The following TPD52L1 variants were observed in gnomAD, a reference collection of about 807,000 sequenced individuals.
TPD52L1 encodes the protein tumor protein D53.
Under a neutral mutation model 28.7 loss-of-function variants are expected in TPD52L1, and 18 were observed. The ratio of observed to expected loss-of-function variants is 0.63; its 90% confidence interval spans 0.43 to 0.93. The LOEUF (loss-of-function observed/expected upper bound fraction) is 0.93. Ranked by LOEUF, TPD52L1 falls within the 40% of genes least tolerant of loss-of-function variation. TPD52L1 has a pLI of 0.00. For missense variants in TPD52L1, 203 were observed against 254.8 expected (o/e 0.80, Z 1.39); for synonymous variants, 75 against 88.8 (o/e 0.84, Z 0.88).
intron 3 of TPD52L1, among the ~76,000 whole-genome samples, chr6:125,236,458 T>G (rs373696030): frequency 6.6e-6 from 1 of 152,196 alleles, no homozygotes; most frequent in African/African-American, 2.4e-5. Context: ...ATTTAAATTA[T>G]GCATTAAATT....
chr6:125,163,351 A>G (rs994001941), intron 1 of TPD52L1, among the ~76,000 whole-genome samples: 3 of 152,138 alleles, frequency 2.0e-5, no homozygotes, highest in Non-Finnish European at 4.4e-5. Context: ...GGAGGCCAAG[A>G]CGGGAGGATC....
At chr6:125,160,850 CTTTTTTTTT>C (rs57061570) in intron 1 of TPD52L1, among the ~76,000 whole-genome samples, 2 of 129,480 alleles carry the variant, frequency 1.5e-5, no homozygotes, top group African/African-American at 5.9e-5. Flanking sequence ...ACAGAGATGA[CTTTTTTTTT>C]TTTTTTTTTT....
intron 1 of TPD52L1, among the ~76,000 whole-genome samples, chr6:125,157,622 CAT>C (rs1790222943): frequency 6.6e-6 from 1 of 152,170 alleles, no homozygotes; most frequent in Admixed American, 6.5e-5. Flanking sequence ...TTTCCCGAAA[CAT>C]ACAGTAGTCC....
At chr6:125,216,914 C>T (rs1012864290) in intron 1 of TPD52L1, among the ~76,000 whole-genome samples, 1 of 152,114 alleles carries the variant, frequency 6.6e-6, no homozygotes, top group Non-Finnish European at 1.5e-5. Context: ...GGGACAGCTT[C>T]AGAACTATAC....
At chr6:125,256,991 G>A in intron 5 of TPD52L1, 107 bp from the exon 6 acceptor site, 1 of 918,946 alleles carries the variant, frequency 1.1e-6, no homozygotes, top group East Asian at 2.6e-5. Flanking sequence ...CTGACAGGTA[G>A]CTCTGTGGCA....
chr6:125,182,502 A>C (rs148546713), intron 1 of TPD52L1, among the ~76,000 whole-genome samples: 5 of 152,124 alleles, frequency 3.3e-5, no homozygotes, highest in African/African-American at 1.2e-4. Context: ...TTTAAGGTAG[A>C]AAGGGAGGGA....
At chr6:125,252,068 C>A in intron 4 of TPD52L1, 1 of 1,535,770 alleles carries the variant, frequency 6.5e-7, no homozygotes, top group Non-Finnish European at 8.7e-7. Context: ...GTGGGGCTTT[C>A]CCCACTCCCT....
At chr6:125,154,306 A>T in intron 1 of TPD52L1, 1 of 1,139,456 alleles carries the variant, frequency 8.8e-7, no homozygotes, top group Non-Finnish European at 1.1e-6. Context: ...CCGGGTCCGG[A>T]AAGCGTGTTT....
chr6:125,218,440 C>T (rs534864678), intron 1 of TPD52L1, among the ~76,000 whole-genome samples: 3 of 152,252 alleles, frequency 2.0e-5, no homozygotes, highest in African/African-American at 7.2e-5. Flanking sequence ...ACCCATATTT[C>T]TATTGGATTA....
chr6:125,194,953 G>T (rs1793317133), intron 1 of TPD52L1, among the ~76,000 whole-genome samples: 1 of 152,190 alleles, frequency 6.6e-6, no homozygotes. Context: ...CCAAAGGAAT[G>T]GAGTCAGTGT....
intron 1 of TPD52L1, among the ~76,000 whole-genome samples, chr6:125,219,650 T>C (rs776960009): frequency 6.6e-6 from 1 of 152,168 alleles, no homozygotes; most frequent in African/African-American, 2.4e-5. Context: ...TGAAGGTATT[T>C]ATTTCTAGTT....
chr6:125,183,083 A>G (rs1327361060), intron 1 of TPD52L1, among the ~76,000 whole-genome samples: 2 of 152,334 alleles, frequency 1.3e-5, no homozygotes, highest in African/African-American at 4.8e-5. Flanking sequence ...TTAAAAATGC[A>G]TGAAGAACAC....
At chr6:125,194,543 C>A (rs139490208) in intron 1 of TPD52L1, among the ~76,000 whole-genome samples, 1 of 152,174 alleles carries the variant, frequency 6.6e-6, no homozygotes, top group Non-Finnish European at 1.5e-5. Flanking sequence ...TTAGGTTCCC[C>A]TGGAACCCTG....
intron 2 of TPD52L1, among the ~76,000 whole-genome samples, chr6:125,228,841 C>A (rs1795773668): frequency 6.6e-6 from 1 of 151,992 alleles, no homozygotes; most frequent in African/African-American, 2.4e-5. Context: ...TAGCAGGATA[C>A]AGGTGATTTT....
intron 1 of TPD52L1, among the ~76,000 whole-genome samples, chr6:125,198,416 C>T (rs901697465): frequency 1.3e-5 from 2 of 152,092 alleles, no homozygotes; most frequent in Non-Finnish European, 2.9e-5. Context: ...GAGTTATACC[C>T]AGTTCTATCC....
At chr6:125,165,092 A>ATATATATATATATATATATTTATATT in intron 1 of TPD52L1, among the ~76,000 whole-genome samples, 1 of 104,194 alleles carries the variant, frequency 9.6e-6, no homozygotes, top group African/African-American at 6.1e-5. Flanking sequence ...AAAGATATAT[A>ATATATATATATATATATATTTATATT]TATATATTTT....
intron 1 of TPD52L1, among the ~76,000 whole-genome samples, chr6:125,172,551 T>TATATAAAA (rs533258594): frequency 2.4e-5 from 2 of 83,868 alleles, no homozygotes; most frequent in Admixed American, 1.4e-4. Context: ...TATATATATA[T>TATATAAAA]AATATATATA....
At chr6:125,185,422 C>T (rs1003572564) in intron 1 of TPD52L1, among the ~76,000 whole-genome samples, 2 of 152,112 alleles carry the variant, frequency 1.3e-5, no homozygotes, top group South Asian at 2.1e-4. Context: ...TTCAAAAGAG[C>T]GTTTACAGAC....
intron 6 of TPD52L1, chr6:125,260,913 GAA>G (rs1448028129): frequency 1.1e-5 from 1 of 90,860 alleles, no homozygotes; most frequent in Non-Finnish European, 1.9e-5. Flanking sequence ...AGAAAGGAAA[GAA>G]AGAAAGAAGA....
Sources: allele counts gnomAD v4.1 joint callset (sites outside exome capture counted in the v4.1 genomes callset), GRCh38; gene constraint gnomAD v4.1.1; transcripts MANE v1.5; gene names NCBI Gene and HGNC (gene_info 2026-07-23, HGNC 2026-07-21).